The following LSAMP variants were observed in gnomAD, a reference collection of about 807,000 sequenced individuals.
LSAMP encodes limbic system associated membrane protein.
LSAMP carries 7 observed loss-of-function variants against 38.6 expected under a neutral mutation model. That is an observed-to-expected ratio of 0.18 (90% CI 0.10 to 0.34). The LOEUF (loss-of-function observed/expected upper bound fraction) is 0.34. LSAMP is among the 10% of genes least tolerant of loss of function. LSAMP has a pLI of 1.00. For synonymous variants in LSAMP, 154 were observed against 166.8 expected (o/e 0.92, Z 0.59); for missense variants, 313 against 420.0 (o/e 0.75, Z 2.23).
chr3:116,346,928 ATCC>A (rs2048070763), intron 1 of LSAMP, among the ~76,000 whole-genome samples: 1 of 152,194 alleles, frequency 6.6e-6, no homozygotes, highest in Non-Finnish European at 1.5e-5. Context: ...AGCACAACTC[ATCC>A]CTCTACCCCT....
intron 1 of LSAMP, among the ~76,000 whole-genome samples, chr3:116,146,279 C>T (rs1449309591): frequency 6.6e-6 from 1 of 151,930 alleles, no homozygotes; most frequent in Admixed American, 6.6e-5. Context: ...TCATGTATGG[C>T]ATCAGCTCAT....
intron 1 of LSAMP, among the ~76,000 whole-genome samples, chr3:116,292,442 G>T (rs1334464042): frequency 6.6e-6 from 1 of 152,226 alleles, no homozygotes; most frequent in Admixed American, 6.5e-5. Flanking sequence ...ATATCAGAGG[G>T]TTAGAAAAAA....
At chr3:115,948,342 C>T (rs1256412035) in intron 3 of LSAMP, among the ~76,000 whole-genome samples, 2 of 152,098 alleles carry the variant, frequency 1.3e-5, no homozygotes, top group African/African-American at 4.8e-5. Context: ...TTTTCATTAG[C>T]ACATGGAACA....
chr3:116,280,736 C>G (rs2047116803), intron 1 of LSAMP, among the ~76,000 whole-genome samples: 1 of 152,198 alleles, frequency 6.6e-6, no homozygotes, highest in South Asian at 2.1e-4. Context: ...TTCTTTCCAA[C>G]AGTCGTGGTT....
At chr3:115,831,859 G>A (rs1934623349) in intron 6 of LSAMP, among the ~76,000 whole-genome samples, 1 of 152,128 alleles carries the variant, frequency 6.6e-6, no homozygotes, top group Non-Finnish European at 1.5e-5. Flanking sequence ...AAGCAAGCTG[G>A]TTTTATATTT....
chr3:115,814,497 G>A (rs1451816074), intron 6 of LSAMP, among the ~76,000 whole-genome samples: 1 of 152,194 alleles, frequency 6.6e-6, no homozygotes, highest in Non-Finnish European at 1.5e-5. Flanking sequence ...TAAAGGACCA[G>A]GTGATTTTTC....
At chr3:116,059,486 G>C (rs924830302) in intron 2 of LSAMP, among the ~76,000 whole-genome samples, 1 of 152,030 alleles carries the variant, frequency 6.6e-6, no homozygotes, top group South Asian at 2.1e-4. Flanking sequence ...TATCACCTTC[G>C]TTCTACTTTT....
chr3:115,919,694 C>T (rs986467547), intron 3 of LSAMP, among the ~76,000 whole-genome samples: 1 of 152,140 alleles, frequency 6.6e-6, no homozygotes, highest in Non-Finnish European at 1.5e-5. Flanking sequence ...TCACTGCAAC[C>T]TCTGTCTCCC....
intron 1 of LSAMP, among the ~76,000 whole-genome samples, chr3:116,155,017 G>GT (rs66744004): frequency 4.0e-4 from 2 of 5,034 alleles, no homozygotes; most frequent in Non-Finnish European, 8.8e-3. Flanking sequence ...TGAATGTTTT[G>GT]GTTTTTTTTG....
At chr3:116,197,903 A>C (rs1239939506) in intron 1 of LSAMP, among the ~76,000 whole-genome samples, 2 of 152,140 alleles carry the variant, frequency 1.3e-5, no homozygotes, top group Non-Finnish European at 2.9e-5. Context: ...ATATATAGAT[A>C]TAAATATATA....
At chr3:116,214,733 C>T (rs2046200644) in intron 1 of LSAMP, among the ~76,000 whole-genome samples, 1 of 151,882 alleles carries the variant, frequency 6.6e-6, no homozygotes, top group South Asian at 2.1e-4. Context: ...AAATTCCTGA[C>T]CTCAAGTGAT....
intron 2 of LSAMP, among the ~76,000 whole-genome samples, chr3:116,024,859 C>CA (rs1170805815): frequency 4.6e-5 from 7 of 151,058 alleles, no homozygotes; most frequent in African/African-American, 1.7e-4. Context: ...GCAAAGGGGA[C>CA]AAAAATGGGT....
intron 1 of LSAMP, among the ~76,000 whole-genome samples, chr3:116,425,484 T>C (rs1230278828): frequency 6.6e-6 from 1 of 152,212 alleles, no homozygotes; most frequent in East Asian, 1.9e-4. Flanking sequence ...TGCTAACAAC[T>C]AGTTGTTTGA....
At chr3:116,220,950 C>G (rs559965629) in intron 1 of LSAMP, among the ~76,000 whole-genome samples, 1 of 151,954 alleles carries the variant, frequency 6.6e-6, no homozygotes, top group African/African-American at 2.4e-5. Flanking sequence ...GTCAGGAGAT[C>G]GAGACCATCC....
At position 116,335,452 on chromosome 3, in the gene LSAMP, G is replaced by A. The variant is rs570372887; in HGVS notation, c.155+109425C>T. ...ACAAAACTGGAGGACTCGCCCTTCC[G>A]GGTTTCAAATATTACTACACAACTA... On this transcript the variant is annotated intron_variant, in intron 1 of 6. Transcript: ENST00000490035. Among the ~76,000 whole-genome samples, 96 of 152,048 alleles carry A rather than the reference G, an allele frequency of 6.3e-4. No individual in the cohort carries two copies. The South Asian group carries it at 0.019, about 31-fold the overall frequency.
chr3:115,877,637 A>G (rs548548972), intron 3 of LSAMP, among the ~76,000 whole-genome samples: 55 of 152,256 alleles, frequency 3.6e-4, no homozygotes, highest in African/African-American at 1.3e-3. Context: ...AGCAGAGGAA[A>G]GTTTCTGGAC....
At chr3:115,911,948 CT>C (rs1388464175) in intron 3 of LSAMP, among the ~76,000 whole-genome samples, 2 of 152,146 alleles carry the variant, frequency 1.3e-5, no homozygotes, top group African/African-American at 4.8e-5. Flanking sequence ...TGTTAAACAT[CT>C]TTTACTTAAC....
chr3:115,898,241 T>A (rs371585645), intron 3 of LSAMP, among the ~76,000 whole-genome samples: 106 of 152,242 alleles, frequency 7.0e-4, no homozygotes, highest in African/African-American at 2.4e-3. Context: ...TTTAAAAAAA[T>A]TAACAGATAT....
intron 1 of LSAMP, among the ~76,000 whole-genome samples, chr3:116,314,134 C>T (rs1053551483): frequency 6.6e-6 from 1 of 152,186 alleles, no homozygotes; most frequent in Non-Finnish European, 1.5e-5. Flanking sequence ...TTGTAGCCAA[C>T]CTAGAACTAG....
Sources: gnomAD v4.1 joint callset for allele counts (sites outside exome capture counted in the v4.1 genomes callset) on GRCh38, gnomAD v4.1.1 for gene constraint, MANE v1.5 for transcripts, NCBI Gene and HGNC (gene_info 2026-07-23, HGNC 2026-07-21) for gene names.